Variants in TMLHE observed in about 807,000 individuals in gnomAD.
TMLHE encodes the protein trimethyllysine dioxygenase, mitochondrial.
Under a neutral mutation model 25.7 loss-of-function variants are expected in TMLHE, and 18 were observed. The ratio of observed to expected loss-of-function variants is 0.70; its 90% CI spans 0.48 to 1.04. The LOEUF (loss-of-function observed/expected upper bound fraction) is 1.04, where lower values mean the gene tolerates loss of function less well. TMLHE is among the 50% of genes least tolerant of loss of function. The pLI is 0.00. For synonymous variants in TMLHE, 105 were observed against 97.0 expected, an observed-to-expected ratio of 1.08 and a Z score of -0.49; for missense variants, 236 against 259.0, an observed-to-expected ratio of 0.91 and a Z score of 0.61.
intron 1 of TMLHE, among the ~76,000 whole-genome samples, chrX:155,584,702 G>A (rs1334175436): frequency 4.5e-5 from 5 of 110,677 alleles, no homozygotes; most frequent in Admixed American, 9.6e-5. Context: ...AGGAAAGAAT[G>A]AGATGATGTA....
At chrX:155,522,632 C>T (rs781822059) in intron 3 of TMLHE, among the ~76,000 whole-genome samples, 12 of 112,170 alleles carry the variant, frequency 1.1e-4, no homozygotes, top group Non-Finnish European at 2.3e-4. Context: ...ATGACTGTTA[C>T]AAACATGAAA....
chrX:155,561,233 G>C lies in TMLHE; in HGVS notation c.-1-15956C>G, dbSNP rs1185189145. On this transcript the variant is annotated intron_variant, in intron 1 of 7. Transcript: ENST00000334398. Reference sequence around the variant, plus strand: ...ACTCACAGTTCTACATGGTTGGAGAGACCTCAGGAATCTTACAATCACAGC... The same window carrying C: ...ACTCACAGTTCTACATGGTTGGAGACACCTCAGGAATCTTACAATCACAGC... Among the ~76,000 whole-genome samples the C allele has an allele frequency of 3.2e-5, 2 of 61,561 alleles. 1 individual carries two copies. Among genetic ancestry groups the C allele is most frequent in the Non-Finnish European group, 9.1e-5 (2 of 22,032 alleles). 53.5% of individuals were successfully genotyped at this position (61,561 alleles called of 115,157 possible). A position where few individuals can be genotyped will look rare whatever the true frequency, so the allele number is the denominator to read the frequency against.
intron 1 of TMLHE, among the ~76,000 whole-genome samples, chrX:155,555,828 C>A (rs2067449630): frequency 9.1e-6 from 1 of 110,101 alleles, no homozygotes; most frequent in Admixed American, 9.7e-5. Context: ...GTTGCCTGTT[C>A]ACTCTGATGG....
chrX:155,593,675 A>G (rs2067704809), intron 1 of TMLHE, among the ~76,000 whole-genome samples: 1 of 112,349 alleles, frequency 8.9e-6, no homozygotes, highest in Non-Finnish European at 1.9e-5. Context: ...TAATATATGG[A>G]TAAAAAATTA....
At chrX:155,579,267 T>A (rs1557344218) in intron 1 of TMLHE, among the ~76,000 whole-genome samples, 1 of 111,626 alleles carries the variant, frequency 9.0e-6, no homozygotes, top group Non-Finnish European at 1.9e-5. Context: ...AATTCATATG[T>A]AAACAAAAAA....
intron 2 of TMLHE, among the ~76,000 whole-genome samples, chrX:155,539,338 G>GACA (rs2067297720): frequency 9.0e-6 from 1 of 111,632 alleles, no homozygotes; most frequent in Non-Finnish European, 1.9e-5. Context: ...GTAGACCACA[G>GACA]ACAGACATTA....
At position 155,511,710 on chromosome X, in the gene TMLHE, G is replaced by C; in HGVS notation, c.721C>G (p.Arg241Gly). ...TGAAAATAGGTAGTGTCAGTGTGCC[G>C]ATCCAGAGCTAGCTTGGTGTACGCA... ...DTAYTKLALDRHTDTTYFQEP... is the reference protein window; with the variant it reads ...DTAYTKLALDGHTDTTYFQEP... Residue 241 changes from arginine (R) to glycine (G), a missense_variant, in exon 5 of 8, where the codon CGG (arginine) becomes GGG (glycine). Coordinates refer to ENST00000334398, the MANE Select transcript of TMLHE (RefSeq NM_018196.4). 8.3e-7 allele frequency: 1 copy of C among 1,202,808 alleles called. No homozygotes were observed. Among genetic ancestry groups the C allele is most frequent in the South Asian group, 1.8e-5 (1 of 55,580 alleles).
intron 2 of TMLHE, among the ~76,000 whole-genome samples, chrX:155,540,194 C>A (rs2067302662): frequency 9.1e-6 from 1 of 110,015 alleles, no homozygotes; most frequent in Admixed American, 9.7e-5. Flanking sequence ...TTTGAATAAA[C>A]AAACAACTCC....
At chrX:155,548,572 AAAAAATAC>A (rs2067381717) in intron 1 of TMLHE, among the ~76,000 whole-genome samples, 1 of 103,497 alleles carries the variant, frequency 9.7e-6, no homozygotes, top group Non-Finnish European at 2.0e-5. Flanking sequence ...TGTCTCTACT[AAAAAATAC>A]AAAAATTAGC....
At chrX:155,518,432 T>C (rs1225981661) in intron 3 of TMLHE, among the ~76,000 whole-genome samples, 1 of 93,108 alleles carries the variant, frequency 1.1e-5, no homozygotes, top group Non-Finnish European at 2.1e-5. Flanking sequence ...CAGTATTTTA[T>C]TGAGGATTTT....
At chrX:155,548,274 A>G (rs782423897) in intron 1 of TMLHE, among the ~76,000 whole-genome samples, 13 of 111,857 alleles carry the variant, frequency 1.2e-4, no homozygotes, top group Non-Finnish European at 3.8e-5. Flanking sequence ...AAGCTACTGT[A>G]CATCAAAGGA....
chrX:155,534,830 T>C (rs782737513), intron 2 of TMLHE, among the ~76,000 whole-genome samples: 21 of 111,733 alleles, frequency 1.9e-4, no homozygotes, highest in African/African-American at 5.8e-4. Context: ...ATAGACTGAA[T>C]TGAGTCTCCC....
At position 155,563,216 on chromosome X, in the gene TMLHE, C is replaced by T. The variant is rs1557341960; in HGVS notation, c.-1-17939G>A. ...TTGTAAAACAAAGAGGTTTAATTGA[C>T]TCACAGTTCTGCATGGCTGCAAGGC... On this transcript the variant is annotated intron_variant, in intron 1 of 7. Coordinates refer to ENST00000334398, the MANE Select transcript of TMLHE (RefSeq NM_018196.4). 3.2e-5 allele frequency among the ~76,000 whole-genome samples: 2 copies of T among 62,881 alleles called. 1 individual carries two copies. The highest frequency in any genetic ancestry group is 8.9e-5 in the Non-Finnish European group (2 of 22,351). 54.6% of individuals were successfully genotyped at this position (62,881 alleles called of 115,157 possible).
chrX:155,539,705 T>C (rs2067299744), intron 2 of TMLHE, among the ~76,000 whole-genome samples: 1 of 111,096 alleles, frequency 9.0e-6, no homozygotes, highest in Non-Finnish European at 1.9e-5. Flanking sequence ...CCTACAGACA[T>C]AGAGAAATAT....
At chrX:155,527,097 T>A (rs1475109625) in intron 2 of TMLHE, among the ~76,000 whole-genome samples, 1 of 111,931 alleles carries the variant, frequency 8.9e-6, no homozygotes, top group African/African-American at 3.2e-5. Flanking sequence ...TGAAAAGACA[T>A]GAGATTTGGG....
intron 5 of TMLHE, among the ~76,000 whole-genome samples, chrX:155,509,398 G>A (rs1487698748): frequency 9.0e-6 from 1 of 111,634 alleles, no homozygotes; most frequent in Non-Finnish European, 1.9e-5. Flanking sequence ...TCTGGGTCTG[G>A]TTGATGCCAT....
intron 1 of TMLHE, among the ~76,000 whole-genome samples, chrX:155,559,218 A>G (rs1297787389): frequency 9.0e-5 from 10 of 111,464 alleles, no homozygotes; most frequent in Non-Finnish European, 1.1e-4. Flanking sequence ...GAGTATAGTT[A>G]AAATATTGTT....
intron 1 of TMLHE, among the ~76,000 whole-genome samples, chrX:155,559,928 G>A (rs939146913): frequency 8.9e-6 from 1 of 112,426 alleles, no homozygotes; most frequent in Admixed American, 9.4e-5. Flanking sequence ...TAGCTCAAAT[G>A]TCACCTTCTT....
chrX:155,532,212 T>C (rs1465241139), intron 2 of TMLHE, among the ~76,000 whole-genome samples: 1 of 112,055 alleles, frequency 8.9e-6, no homozygotes. Flanking sequence ...TCATGAGATA[T>C]GTATAGAAAC....
Sources: allele counts gnomAD v4.1 joint callset (sites outside exome capture counted in the v4.1 genomes callset), GRCh38; gene constraint gnomAD v4.1.1; transcripts MANE v1.5; gene names NCBI Gene and HGNC (gene_info 2026-07-23, HGNC 2026-07-21).